The following MELK variants were observed in gnomAD, a reference collection of about 807,000 sequenced individuals.
MELK encodes pEg3 kinase.
MELK carries 81 observed loss-of-function variants against 85.0 expected under a neutral mutation model. That is an observed-to-expected ratio of 0.95 (90% CI 0.80 to 1.15). MELK has a LOEUF of 1.15. MELK is among the 50% of genes most tolerant of loss of function. MELK has a pLI of 0.00. For synonymous variants in MELK, 252 were observed against 265.0 expected, an observed-to-expected ratio of 0.95 and a Z score of 0.48; for missense variants, 754 against 777.5, an observed-to-expected ratio of 0.97 and a Z score of 0.36.
At position 36,670,911 on chromosome 9, in the gene MELK, T is replaced by A. The variant is rs145562915; in HGVS notation, c.1506-87T>A. ...CATACCTGAGTGAGGCATCCTAATGTGTATGAAGGGACAAAAGTTCACCCT... is the reference window on the plus strand; with the variant it reads ...CATACCTGAGTGAGGCATCCTAATGAGTATGAAGGGACAAAAGTTCACCCT... On this transcript the variant is annotated intron_variant, in intron 15 of 17. Transcript: ENST00000298048. 3,649 of 1,382,716 alleles carry A rather than the reference T, an allele frequency of 2.6e-3. 23 individuals carry two copies. Among genetic ancestry groups the A allele is most frequent in the East Asian group, 0.023 (936 of 40,414 alleles). The allele number at this position is 1,382,716 out of a possible 1,614,324, so 85.7% of individuals were successfully genotyped here.
At chr9:36,654,536 A>G (rs1331285395) in intron 12 of MELK, among the ~76,000 whole-genome samples, 1 of 151,266 alleles carries the variant, frequency 6.6e-6, no homozygotes, top group Non-Finnish European at 1.5e-5. Flanking sequence ...TTGTATTTTT[A>G]GTAGAGATGG....
chr9:36,581,024 G>T (rs770322451), intron 1 of MELK, among the ~76,000 whole-genome samples: 10 of 152,076 alleles, frequency 6.6e-5, no homozygotes, highest in Non-Finnish European at 1.2e-4. Flanking sequence ...CACCATGCCC[G>T]GCTGAGAAAA....
intron 10 of MELK, among the ~76,000 whole-genome samples, chr9:36,638,067 G>T (rs960309235): frequency 6.6e-6 from 1 of 152,148 alleles, no homozygotes; most frequent in Non-Finnish European, 1.5e-5. Flanking sequence ...TTCAGCCATT[G>T]GGGGTCATCA....
At chr9:36,648,332 C>G (rs1050219377) in intron 11 of MELK, among the ~76,000 whole-genome samples, 1 of 152,156 alleles carries the variant, frequency 6.6e-6, no homozygotes, top group African/African-American at 2.4e-5. Flanking sequence ...AGAAAGGCAT[C>G]AAGCAAACTG....
rs776843063 is a variant in MELK at position 36,583,627 on chromosome 9, G to A, written c.59G>A (p.Gly20Asp). The A allele has an allele frequency of 1.4e-5, 22 of 1,602,398 alleles. No homozygotes were observed. The highest frequency in any genetic ancestry group is 1.8e-5 in the Non-Finnish European group (21 of 1,171,726). Residue 20 changes from glycine (G) to aspartate (D), a missense_variant and splice_region_variant, in exon 3 of 18, where the codon GGT becomes GAT. Coordinates refer to ENST00000298048, the MANE Select transcript of MELK (RefSeq NM_014791.4). ...YYELHETIGT[G>D]GFAKVKLACH... is the part of the protein sequence containing the mutation. Reference sequence around the variant, plus strand: ...TTTCATAATACATTTTCCTACTTAGGTGGCTTTGCAAAGGTCAAACTTGCC... The same window carrying A: ...TTTCATAATACATTTTCCTACTTAGATGGCTTTGCAAAGGTCAAACTTGCC...
intron 8 of MELK, among the ~76,000 whole-genome samples, chr9:36,617,232 C>T (rs1419359238): frequency 1.3e-5 from 2 of 152,158 alleles, no homozygotes; most frequent in African/African-American, 4.8e-5. Context: ...CCCACCAATA[C>T]AGTGTATCAC....
intron 7 of MELK, among the ~76,000 whole-genome samples, chr9:36,606,412 G>GTA (rs1226311158): frequency 4.7e-5 from 4 of 85,310 alleles, no homozygotes; most frequent in African/African-American, 3.3e-4. Context: ...ATAGGTGTGT[G>GTA]TATATATATA....
Position 36,614,425 on chromosome 9 carries a change from G to GTTTT in MELK, c.666+6767_666+6770dup, listed in dbSNP as rs58332948. On this transcript the variant is annotated intron_variant, in intron 8 of 17. Transcript: ENST00000298048. ...GTCTTTTTTAAAAAATTATTTTTGG[G>GTTTT]TTTTTTTTTTTTTTTTTTAATTTAT... is the stretch of plus-strand genomic sequence containing the variant. Among the ~76,000 whole-genome samples the GTTTT allele has an allele frequency of 6.5e-3, 771 of 118,930 alleles. 4 individuals carry two copies. Among genetic ancestry groups the GTTTT allele is most frequent in the African/African-American group, 0.023 (650 of 27,672 alleles). The allele number at this position is 118,930 out of a possible 152,430, so 78.0% of individuals were successfully genotyped here. A position where few individuals can be genotyped will look rare whatever the true frequency, so the allele number is the denominator to read the frequency against.
At chr9:36,621,030 G>T (rs983604523) in intron 8 of MELK, among the ~76,000 whole-genome samples, 3 of 151,740 alleles carry the variant, frequency 2.0e-5, no homozygotes, top group Non-Finnish European at 2.9e-5. Context: ...CAGCACTTTG[G>T]GAGACTGAGG....
Position 36,607,658 on chromosome 9 carries a change from A to G in MELK, c.651A>G (p.Leu217=). 1 of 1,599,932 alleles carries G rather than the reference A, an allele frequency of 6.3e-7. No homozygotes were observed. Residue 217 remains leucine (L), a synonymous_variant, in exon 8 of 18, where the codon TTA becomes TTG. Coordinates refer to ENST00000298048, the MANE Select transcript of MELK (RefSeq NM_014791.4). Reference sequence around the variant, plus strand: ...TTGATGATGATAATGTAATGGCTTTATACAAGAAGATTATGGTGAGTATTA... The same window carrying G: ...TTGATGATGATAATGTAATGGCTTTGTACAAGAAGATTATGGTGAGTATTA... ...LPFDDDNVMA[L]YKKIMRGKYD...
intron 7 of MELK, among the ~76,000 whole-genome samples, chr9:36,600,697 T>C (rs764342855): frequency 2.6e-5 from 4 of 152,146 alleles, no homozygotes; most frequent in Non-Finnish European, 5.9e-5. Context: ...GGCCTCCAAA[T>C]CTTTAATGTG....
Position 36,677,442 on chromosome 9 carries a change from G to T in MELK, c.*105G>T. On this transcript the variant is annotated 3_prime_UTR_variant, in exon 18 of 18. Coordinates refer to ENST00000298048, the MANE Select transcript of MELK (RefSeq NM_014791.4). ...TAAAGTTCATTGGAACTACCAACTT[G>T]TTTCTAAAGAGCTATCTTAAGACCA... is the stretch of plus-strand genomic sequence containing the variant. The T allele has an allele frequency of 9.5e-7, 1 of 1,052,086 alleles. No homozygotes were observed. Among genetic ancestry groups the T allele is most frequent in the Non-Finnish European group, 1.3e-6 (1 of 766,444 alleles). The allele number at this position is 1,052,086 out of a possible 1,614,324, so 65.2% of individuals were successfully genotyped here. A position where few individuals can be genotyped will look rare whatever the true frequency, so the allele number is the denominator to read the frequency against.
intron 1 of MELK, among the ~76,000 whole-genome samples, chr9:36,577,146 T>C (rs912291051): frequency 6.6e-6 from 1 of 152,170 alleles, no homozygotes; most frequent in Non-Finnish European, 1.5e-5. Flanking sequence ...CAGTTCTGGA[T>C]AAGGGCAGGG....
chr9:36,583,426 T>C (rs1822467665), intron 2 of MELK, among the ~76,000 whole-genome samples: 1 of 150,418 alleles, frequency 6.6e-6, no homozygotes, highest in Non-Finnish European at 1.5e-5. Flanking sequence ...TTTTTTTTAT[T>C]ACAAAGTTTG....
At chr9:36,608,834 C>T (rs971070885) in intron 8 of MELK, among the ~76,000 whole-genome samples, 9 of 152,162 alleles carry the variant, frequency 5.9e-5, no homozygotes, top group South Asian at 2.1e-4. Context: ...TTGCCTGCCT[C>T]GGCCTCCCAA....
chr9:36,621,295 A>AAAAAAAAAAAAAAAAG (rs1827406579), intron 8 of MELK, among the ~76,000 whole-genome samples: 1 of 116,912 alleles, frequency 8.6e-6, no homozygotes, highest in Non-Finnish European at 1.6e-5. Flanking sequence ...AAAAAAAAAA[A>AAAAAAAAAAAAAAAAG]AAAAAAAAAA....
At chr9:36,673,761 C>T (rs1833098980) in intron 16 of MELK, among the ~76,000 whole-genome samples, 1 of 152,094 alleles carries the variant, frequency 6.6e-6, no homozygotes, top group Non-Finnish European at 1.5e-5. Context: ...TATGCTTTGG[C>T]ATTATATATA....
At chr9:36,577,038 C>T (rs1429911493) in intron 1 of MELK, among the ~76,000 whole-genome samples, 1 of 152,160 alleles carries the variant, frequency 6.6e-6, no homozygotes, top group Non-Finnish European at 1.5e-5. Context: ...TAAGCTCTGT[C>T]TTCCTTTATA....
chr9:36,622,424 C>T (rs985928629), intron 8 of MELK, among the ~76,000 whole-genome samples: 3 of 152,122 alleles, frequency 2.0e-5, no homozygotes, highest in East Asian at 1.9e-4. Context: ...TTTGACGCAC[C>T]GTATGTAACT....
Sources: gnomAD v4.1 joint callset for allele counts (sites outside exome capture counted in the v4.1 genomes callset) on GRCh38, gnomAD v4.1.1 for gene constraint, MANE v1.5 for transcripts, NCBI Gene and HGNC (gene_info 2026-07-23, HGNC 2026-07-21) for gene names.